Variants in MARCHF6 observed in about 807,000 individuals in gnomAD.
MARCHF6 encodes the protein E3 ubiquitin-protein ligase MARCHF6.
Under a neutral mutation model 133.7 loss-of-function variants are expected in MARCHF6, and 31 were observed. That is an observed-to-expected ratio of 0.23 (90% CI 0.17 to 0.31). MARCHF6 has a LOEUF of 0.31. Ranked by LOEUF, MARCHF6 falls within the 10% of genes least tolerant of loss-of-function variation. The pLI is 1.00. For synonymous variants in MARCHF6, 395 were observed against 402.5 expected, an observed-to-expected ratio of 0.98 and a Z score of 0.22; for missense variants, 723 against 1,121.6, an observed-to-expected ratio of 0.64 and a Z score of 5.08.
rs534911579 is a variant in MARCHF6, at chr5:10,425,889, C to A, written c.2374-501C>A. ...CTTTTTTTATATTCACTATAGAATT[C>A]TTTCATACTAAATTTTTAAATACCT... On this transcript the variant is annotated intron_variant, in intron 23 of 25. Transcript: ENST00000274140. 9.2e-5 allele frequency among the ~76,000 whole-genome samples: 14 copies of A among 152,272 alleles called. No individual in the cohort carries two copies. In the South Asian group the frequency reaches 1.2e-3, roughly 14 times the overall value.
intron 24 of MARCHF6, among the ~76,000 whole-genome samples, chr5:10,428,816 C>T (rs1245845147): frequency 6.6e-6 from 1 of 152,036 alleles, no homozygotes; most frequent in African/African-American, 2.4e-5. Context: ...GATTTCCAAC[C>T]CAGTCATTCA....
intron 23 of MARCHF6, among the ~76,000 whole-genome samples, chr5:10,424,678 A>G (rs894906391): frequency 1.3e-5 from 2 of 152,168 alleles, no homozygotes; most frequent in Non-Finnish European, 2.9e-5. Flanking sequence ...TTTTCTGGTG[A>G]AGGTTGATAT....
At chr5:10,403,203 A>G (rs1738651279) in intron 14 of MARCHF6, among the ~76,000 whole-genome samples, 1 of 152,300 alleles carries the variant, frequency 6.6e-6, no homozygotes, top group Non-Finnish European at 1.5e-5. Flanking sequence ...AGCTTTTACT[A>G]ATTGGTTTAT....
At chr5:10,365,807 A>G (rs985513514) in intron 1 of MARCHF6, among the ~76,000 whole-genome samples, 4 of 152,176 alleles carry the variant, frequency 2.6e-5, no homozygotes, top group African/African-American at 9.7e-5. Flanking sequence ...TCGTCTGACC[A>G]ATTACAGTGG....
intron 4 of MARCHF6, among the ~76,000 whole-genome samples, chr5:10,382,959 A>T (rs1003801992): frequency 1.3e-5 from 2 of 152,206 alleles, no homozygotes; most frequent in East Asian, 3.8e-4. Flanking sequence ...CAATCCAAAG[A>T]ATCCTCTTGG....
Position 10,387,981 on chromosome 5 carries a change from T to A in MARCHF6, c.407+915T>A, listed in dbSNP as rs182378135. Among the ~76,000 whole-genome samples, 11 of 152,368 alleles carry A rather than the reference T, an allele frequency of 7.2e-5. No individual in the cohort carries two copies. The East Asian group carries it at 2.1e-3, about 29-fold the overall frequency. On this transcript the variant is annotated intron_variant, in intron 5 of 25. Coordinates refer to ENST00000274140, the MANE Select transcript of MARCHF6 (RefSeq NM_005885.4). ...TTGCCCAAGAGTTCGTTTTAACATG[T>A]GTTTTTAACATACACATTTGAACTC...
At chr5:10,385,418 A>G (rs571660234) in intron 4 of MARCHF6, among the ~76,000 whole-genome samples, 1 of 152,296 alleles carries the variant, frequency 6.6e-6, no homozygotes, top group East Asian at 1.9e-4. Context: ...ATTTCAAACA[A>G]AGGCAGGAAA....
intron 17 of MARCHF6, among the ~76,000 whole-genome samples, chr5:10,407,965 C>T (rs376837029): frequency 4.1e-5 from 4 of 97,660 alleles, no homozygotes; most frequent in African/African-American, 1.4e-4. Context: ...CCCCCCCCCC[C>T]AAAAAAAAAA....
At chr5:10,417,712 C>T (rs1195657626) in intron 22 of MARCHF6, among the ~76,000 whole-genome samples, 1 of 108,156 alleles carries the variant, frequency 9.2e-6, no homozygotes, top group Non-Finnish European at 1.8e-5. Flanking sequence ...GTAAGAGCCT[C>T]TGTCCAAAAA....
chr5:10,405,591 A>T lies in MARCHF6; in HGVS notation c.1366A>T (p.Asn456Tyr). 6.2e-7 allele frequency: 1 copy of T among 1,610,066 alleles called. No individual in the cohort carries two copies. The highest frequency in any genetic ancestry group is 8.5e-7 in the Non-Finnish European group (1 of 1,178,700). The change falls in exon 16 of 26, where the codon AAT (asparagine) becomes TAT (tyrosine). Residue 456 changes from asparagine to tyrosine, a missense_variant. Asn to Tyr is a moderately radical substitution (Grantham distance 143). Transcript: ENST00000274140. ...ACCTGGTGTCCTGTGGTTTCTAAGG[A>T]ATTTGAATGATCCAGATTTCAATCC... ...LRPGVLWFLR[N>Y]LNDPDFNPVQ...
At chr5:10,431,511 C>T (rs1740358859) in intron 25 of MARCHF6, among the ~76,000 whole-genome samples, 1 of 152,080 alleles carries the variant, frequency 6.6e-6, no homozygotes, top group African/African-American at 2.4e-5. Flanking sequence ...CCCATCTGTT[C>T]CTTTATGCAG....
Position 10,433,647 on chromosome 5 carries a change from G to A in MARCHF6, c.2696G>A (p.Gly899Asp), listed in dbSNP as rs538477547. 2 of 1,614,074 alleles carry A rather than the reference G, an allele frequency of 1.2e-6. No individual in the cohort carries two copies. The highest frequency in any genetic ancestry group is 1.7e-6 in the Non-Finnish European group (2 of 1,180,030). Residue 899 changes from glycine to aspartate, a missense_variant, in exon 26 of 26, where the codon GGC becomes GAC. Transcript: ENST00000274140. ...TACGAACGGAAATCTGGCAAACAAGGCTCATCTCCACCACCTCCACAGTCA... is the reference window on the plus strand; with the variant it reads ...TACGAACGGAAATCTGGCAAACAAGACTCATCTCCACCACCTCCACAGTCA... ...VNYERKSGKQ[G>D]SSPPPPQSSQ...
In MARCHF6 at chr5:10,394,735, C is replaced by T. The variant is rs964683923; in HGVS notation, c.829-18C>T. The T allele has an allele frequency of 1.0e-5, 16 of 1,568,468 alleles. No individual in the cohort carries two copies. Among genetic ancestry groups the T allele is most frequent in the Admixed American group, 3.5e-5 (2 of 56,460 alleles). ...TGTTGCATCTTAAATTAATGCTTAT[C>T]GTTTTTGTTTATTTTAGATGCTAGG... On this transcript the variant is annotated intron_variant, in intron 8 of 25. Coordinates refer to ENST00000274140, the MANE Select transcript of MARCHF6 (RefSeq NM_005885.4).
At chr5:10,372,714 G>A (rs981153631) in intron 1 of MARCHF6, among the ~76,000 whole-genome samples, 8 of 152,044 alleles carry the variant, frequency 5.3e-5, no homozygotes, top group South Asian at 2.1e-4. Flanking sequence ...ACTGTTTTTC[G>A]TGAAAATAAC....
chr5:10,424,280 C>G (rs910299794), intron 23 of MARCHF6, among the ~76,000 whole-genome samples: 2 of 152,094 alleles, frequency 1.3e-5, no homozygotes, highest in South Asian at 4.1e-4. Flanking sequence ...GATGCGGCTC[C>G]TTAGTAAAGC....
intron 1 of MARCHF6, among the ~76,000 whole-genome samples, chr5:10,357,593 GTCAGAA>G (rs1229606285): frequency 6.6e-6 from 1 of 152,286 alleles, no homozygotes; most frequent in East Asian, 1.9e-4. Flanking sequence ...ATAGAAAGTT[GTCAGAA>G]TCAGACAGCT....
chr5:10,413,852 A>G (rs1739361229), intron 19 of MARCHF6, among the ~76,000 whole-genome samples: 1 of 152,190 alleles, frequency 6.6e-6, no homozygotes, highest in Admixed American at 6.5e-5. Flanking sequence ...GATTATTACA[A>G]TTCAAGGTGA....
At chr5:10,411,623 G>T in intron 19 of MARCHF6, 86 bp downstream of exon 19, 1 of 1,020,298 alleles carries the variant, frequency 9.8e-7, no homozygotes, top group Non-Finnish European at 1.4e-6. Context: ...GGTGCTATTA[G>T]TATGCAGTCC....
intron 19 of MARCHF6, 29 bp from the exon 20 acceptor site, chr5:10,414,400 CTATT>C (rs756394238): frequency 5.5e-6 from 7 of 1,262,080 alleles, no homozygotes; most frequent in Non-Finnish European, 8.1e-6. Context: ...CACGTGTTCT[CTATT>C]TATGCACTCC....
Sources: allele counts gnomAD v4.1 joint callset (sites outside exome capture counted in the v4.1 genomes callset), GRCh38; gene constraint gnomAD v4.1.1; transcripts MANE v1.5; gene names NCBI Gene and HGNC (gene_info 2026-07-23, HGNC 2026-07-21).